The following KCNAB1 variants were observed in gnomAD, a reference collection of about 807,000 sequenced individuals.
KCNAB1 encodes potassium voltage-gated channel subfamily A regulatory beta subunit 1.
A neutral mutation model predicts 64.6 loss-of-function variants in KCNAB1; 35 were observed. That is an observed-to-expected ratio of 0.54 (90% confidence interval 0.41 to 0.72). The LOEUF (loss-of-function observed/expected upper bound fraction) is 0.72, where lower values mean the gene tolerates loss of function less well. KCNAB1 is among the 30% of genes least tolerant of loss of function. KCNAB1 has a pLI of 0.00. For missense variants in KCNAB1, 401 were observed against 512.9 expected (o/e 0.78, Z 2.11); for synonymous variants, 177 against 183.8 (o/e 0.96, Z 0.30).
chr3:156,158,171 AAAAATAAAAAAT>A (rs1236142412), intron 1 of KCNAB1, among the ~76,000 whole-genome samples: 2,637 of 84,730 alleles, frequency 0.031, 157 homozygotes, highest in African/African-American at 0.1. Flanking sequence ...TCTCAAAAAA[AAAAATAAAAAAT>A]AAATAAATAA....
At chr3:156,162,590 T>G (rs1716145904) in intron 1 of KCNAB1, among the ~76,000 whole-genome samples, 1 of 152,206 alleles carries the variant, frequency 6.6e-6, no homozygotes, top group Non-Finnish European at 1.5e-5. Flanking sequence ...GATAAGGTAG[T>G]TCCTAACATC....
chr3:156,222,527 G>C (rs1715846453), intron 1 of KCNAB1, among the ~76,000 whole-genome samples: 1 of 152,180 alleles, frequency 6.6e-6, no homozygotes, highest in African/African-American at 2.4e-5. Context: ...CATCAAGACA[G>C]AAAGTCAACA....
chr3:156,143,388 A>C, intron 1 of KCNAB1: 1 of 1,604,316 alleles, frequency 6.2e-7, no homozygotes, highest in Non-Finnish European at 8.5e-7. Flanking sequence ...CGTTGCAGGA[A>C]ACCACCAGAG....
chr3:156,489,069 T>C (rs1715434238), intron 8 of KCNAB1, among the ~76,000 whole-genome samples: 1 of 151,988 alleles, frequency 6.6e-6, no homozygotes. Context: ...GTTTGAAATG[T>C]TTATTAGGTG....
chr3:156,252,179 C>T (rs958889194), intron 1 of KCNAB1, among the ~76,000 whole-genome samples: 3 of 152,252 alleles, frequency 2.0e-5, no homozygotes, highest in Non-Finnish European at 4.4e-5. Context: ...GGGATATTGC[C>T]TTGGCATCTC....
At chr3:156,400,114 C>A (rs779921152) in intron 1 of KCNAB1, among the ~76,000 whole-genome samples, 7 of 152,050 alleles carry the variant, frequency 4.6e-5, no homozygotes, top group African/African-American at 7.3e-5. Context: ...GTTTTCAACA[C>A]TTCCTAGGGG....
intron 1 of KCNAB1, among the ~76,000 whole-genome samples, chr3:156,154,449 C>T (rs1715600059): frequency 6.6e-6 from 1 of 152,138 alleles, no homozygotes; most frequent in Non-Finnish European, 1.5e-5. Flanking sequence ...ATCCTCCGAA[C>T]TATGGGGGAC....
At chr3:156,365,898 T>C (rs1725914504) in intron 1 of KCNAB1, among the ~76,000 whole-genome samples, 2 of 152,202 alleles carry the variant, frequency 1.3e-5, no homozygotes, top group Non-Finnish European at 2.9e-5. Context: ...AATGAAATTG[T>C]CAGACTGCAG....
Position 156,328,320 on chromosome 3 carries a change from G to C in KCNAB1, c.276-93296G>C, listed in dbSNP as rs73873304. ...AGCTGTGAAATGTTTTTGAGGAGGA[G>C]CTATAGCAGAAGCTTGGAGGTTGGA... On this transcript the variant is annotated intron_variant, in intron 1 of 13. Transcript: ENST00000490337. Among the ~76,000 whole-genome samples, 482 of 152,256 alleles carry C rather than the reference G, an allele frequency of 3.2e-3. 3 individuals carry two copies. The highest frequency in any genetic ancestry group is 0.01 in the African/African-American group (432 of 41,554).
At chr3:156,279,908 T>G (rs1382395642) in intron 1 of KCNAB1, among the ~76,000 whole-genome samples, 16 of 149,248 alleles carry the variant, frequency 1.1e-4, no homozygotes, top group Non-Finnish European at 1.6e-4. Context: ...TTTCTCCCAT[T>G]TTGTAGGTTG....
chr3:156,380,834 A>G (rs1267548647), intron 1 of KCNAB1, among the ~76,000 whole-genome samples: 1 of 152,174 alleles, frequency 6.6e-6, no homozygotes, highest in Non-Finnish European at 1.5e-5. Flanking sequence ...CCTGATTTTG[A>G]GGGGTATAGT....
At chr3:156,121,753 G>A (rs1012791445) in intron 1 of KCNAB1, among the ~76,000 whole-genome samples, 7 of 152,158 alleles carry the variant, frequency 4.6e-5, no homozygotes, top group African/African-American at 1.7e-4. Context: ...TTCCAATTAC[G>A]TAGTCAAAGT....
At chr3:156,389,998 G>A (rs1422420352) in intron 1 of KCNAB1, among the ~76,000 whole-genome samples, 1 of 152,176 alleles carries the variant, frequency 6.6e-6, no homozygotes, top group South Asian at 2.1e-4. Context: ...AAGGGGTGTC[G>A]ATCTCTGCTT....
At chr3:156,266,316 C>G (rs1037413612) in intron 1 of KCNAB1, among the ~76,000 whole-genome samples, 2 of 152,146 alleles carry the variant, frequency 1.3e-5, no homozygotes, top group South Asian at 4.1e-4. Context: ...AAGCAAAAAA[C>G]TGGGGACACA....
rs934373354 is a variant in KCNAB1 at position 156,375,897 on chromosome 3, G to C, written c.276-45719G>C. ...TGCAATGGCACAATCTCGGCTCATT[G>C]CAACCATCCCCTCCTGGGTTTAAGC... On this transcript the variant is annotated intron_variant, in intron 1 of 13. Transcript: ENST00000490337. Among the ~76,000 whole-genome samples the C allele has an allele frequency of 2.0e-5, 3 of 151,468 alleles. 1 individual carries two copies. Among genetic ancestry groups the C allele is most frequent in the Non-Finnish European group, 4.4e-5 (3 of 67,942 alleles).
chr3:156,272,479 G>T (rs754577754), intron 1 of KCNAB1, among the ~76,000 whole-genome samples: 4 of 152,042 alleles, frequency 2.6e-5, no homozygotes, highest in Non-Finnish European at 5.9e-5. Context: ...GTCTCGCCAT[G>T]TTCACCACTA....
intron 1 of KCNAB1, among the ~76,000 whole-genome samples, chr3:156,140,580 A>G (rs1047650983): frequency 6.6e-6 from 1 of 152,196 alleles, no homozygotes; most frequent in African/African-American, 2.4e-5. Context: ...CCTATATCCT[A>G]ATATCATCAC....
intron 1 of KCNAB1, among the ~76,000 whole-genome samples, chr3:156,288,293 GTAC>G (rs1560176003): frequency 1.3e-5 from 2 of 152,260 alleles, no homozygotes; most frequent in Admixed American, 6.5e-5. Context: ...ACATTCTGAG[GTAC>G]TGGGGGTTAG....
chr3:156,240,885 C>A (rs1189741128), intron 1 of KCNAB1, among the ~76,000 whole-genome samples: 1 of 152,110 alleles, frequency 6.6e-6, no homozygotes, highest in South Asian at 2.1e-4. Context: ...AGGCAGTAAT[C>A]GAGGGTGCGT....
Sources: gnomAD v4.1 joint callset for allele counts (sites outside exome capture counted in the v4.1 genomes callset) on GRCh38, gnomAD v4.1.1 for gene constraint, MANE v1.5 for transcripts, NCBI Gene and HGNC (gene_info 2026-07-23, HGNC 2026-07-21) for gene names.